C8orf33: variants seen among roughly 807,000 people sequenced by gnomAD.
C8orf33 encodes the protein UPF0488 protein C8orf33.
C8orf33 carries 28 observed loss-of-function variants against 25.7 expected under a neutral mutation model. The observed-to-expected ratio is 1.09, with a 90% CI of 0.81 to 1.49. The LOEUF (loss-of-function observed/expected upper bound fraction) is 1.49. Ranked by LOEUF, C8orf33 falls within the 40% of genes most tolerant of loss-of-function variation. C8orf33 has a pLI of 0.00. For synonymous variants in C8orf33, 153 were observed against 115.9 expected (o/e 1.32, Z -2.06); for missense variants, 369 against 294.4 (o/e 1.25, Z -1.85).
chr8:145,052,738 T>A lies in C8orf33; in HGVS notation c.159T>A (p.Ala53=), dbSNP rs750122302. 6.2e-7 allele frequency: 1 copy of A among 1,614,068 alleles called. No homozygotes were observed. The highest frequency in any genetic ancestry group is 8.5e-7 in the Non-Finnish European group (1 of 1,179,996). Reference sequence around the variant, plus strand: ...CAGAGCAACCTACGTGCAGTAACGCTGACTCCAGAGCGCACCCGTTGGGCG... The same window carrying A: ...CAGAGCAACCTACGTGCAGTAACGCAGACTCCAGAGCGCACCCGTTGGGCG... The part of the protein sequence containing the change: ...LCPEQPTCSN[A]DSRAHPLGDE... Residue 53 remains alanine (A), a synonymous_variant, in exon 2 of 5, where the codon GCT becomes GCA. Transcript: ENST00000331434.
rs748190702 is a variant in C8orf33 at position 145,052,683 on chromosome 8, C to A, written c.104C>A (p.Ala35Asp). 3.7e-6 allele frequency: 6 copies of A among 1,613,940 alleles called. No homozygotes were observed. The East Asian group carries it at 1.3e-4, about 36-fold the overall frequency. The part of the protein sequence containing the change: ...GARLPGPVSS[A>D]RNPSTVCLCP... ...CGGCTTCCCGGCCCAGTTTCCAGCG[C>A]CCGGAATCCTTCCACTGTCTGTCTC... Residue 35 changes from alanine to aspartate, a missense_variant, in exon 2 of 5, where the codon GCC becomes GAC. Transcript: ENST00000331434.
At chr8:145,053,226 G>A in intron 3 of C8orf33, 71 bp from the exon 4 acceptor site, 1 of 1,613,158 alleles carries the variant, frequency 6.2e-7, no homozygotes. Flanking sequence ...GTATGGAGTT[G>A]TTGGCTTTGC....
rs1563954454 is a variant in C8orf33, at chr8:145,053,121, GA to G, written c.379del (p.Arg127GlyfsTer32). On this transcript the variant is annotated frameshift_variant, in exon 3 of 5. Coordinates refer to ENST00000331434, the MANE Select transcript of C8orf33 (RefSeq NM_023080.3). LOFTEE classifies it high-confidence loss of function. Reference sequence around the variant, plus strand: ...TGGAGCAACTGGAGCTGGGCCTCAAGAGGCAGAAACCCACCCCGAAACAGAG... The same window carrying G: ...TGGAGCAACTGGAGCTGGGCCTCAAGGGCAGAAACCCACCCCGAAACAGAG... ...CVEQLELGLK[R>X]QKPTPKQKEQ... The G allele has an allele frequency of 2.5e-6, 4 of 1,614,194 alleles. No individual in the cohort carries two copies. Among genetic ancestry groups the G allele is most frequent in the East Asian group, 2.2e-5 (1 of 44,890 alleles).
chr8:145,053,185 T>C, intron 3 of C8orf33, 39 bp downstream of exon 3: 1 of 1,613,498 alleles, frequency 6.2e-7, no homozygotes, highest in Non-Finnish European at 8.5e-7. Context: ...ATGTGAACAG[T>C]GGCACTGCCT....
At chr8:145,053,638 G>T in intron 4 of C8orf33, 195 bp downstream of exon 4, 1 of 624,578 alleles carries the variant, frequency 1.6e-6, no homozygotes, top group Non-Finnish European at 2.8e-6. Flanking sequence ...GGAAGCAGCG[G>T]GGAGGCCCTG....
rs1835350207 is a variant in C8orf33, at chr8:145,055,592, C to T, written c.*1435C>T. 1 of 156,902 alleles carries T rather than the reference C, an allele frequency of 6.4e-6. No individual in the cohort carries two copies. The highest frequency in any genetic ancestry group is 1.4e-5 in the Non-Finnish European group (1 of 71,420). 9.7% of individuals were successfully genotyped at this position (156,902 alleles called of 1,614,324 possible). On this transcript the variant is annotated 3_prime_UTR_variant, in exon 5 of 5. Transcript: ENST00000331434. ...CGGGGGAGTTTAGAGAAGACTACTCCTCCACCTCTTGTGGAGGGCCTGACA... is the reference window on the plus strand; with the variant it reads ...CGGGGGAGTTTAGAGAAGACTACTCTTCCACCTCTTGTGGAGGGCCTGACA...
In C8orf33 at chr8:145,054,093, C is replaced by T; in HGVS notation, c.626C>T (p.Ser209Phe). The change falls in exon 5 of 5, where the codon TCT becomes TTT. Residue 209 changes from serine to phenylalanine, a missense_variant. Ser to Phe is a radical substitution (Grantham distance 155, BLOSUM62 -2). Transcript: ENST00000331434. ...AGCCAAAGGGTCTGCAGGCCTCGCT[C>T]TATATGGAGAGCCAAAGCCACTCTG... ...KKSQRVCRPR[S>F]IWRAKATLDM... is the part of the protein sequence containing the mutation. The T allele has an allele frequency of 6.2e-7, 1 of 1,614,160 alleles. No homozygotes were observed.
rs769870310 is a variant in C8orf33 at position 145,054,094 on chromosome 8, T to TA, written c.628dup (p.Ile210AsnfsTer12). 2 of 1,614,200 alleles carry TA rather than the reference T, an allele frequency of 1.2e-6. No homozygotes were observed. Among genetic ancestry groups the TA allele is most frequent in the Non-Finnish European group, 1.7e-6 (2 of 1,180,028 alleles). On this transcript the variant is annotated frameshift_variant, in exon 5 of 5. Coordinates refer to ENST00000331434, the MANE Select transcript of C8orf33 (RefSeq NM_023080.3). LOFTEE classifies it high-confidence loss of function. ...GCCAAAGGGTCTGCAGGCCTCGCTCTATATGGAGAGCCAAAGCCACTCTGG... is the reference window on the plus strand; with the variant it reads ...GCCAAAGGGTCTGCAGGCCTCGCTCTAATATGGAGAGCCAAAGCCACTCTGG...
chr8:145,052,982 G>A (rs1835300556), intron 2 of C8orf33, 80 bp from the exon 3 acceptor site: 3 of 1,606,184 alleles, frequency 1.9e-6, no homozygotes, highest in African/African-American at 1.3e-5. Context: ...CGGAGTTAAG[G>A]CGGGGAGGGG....
rs200070447 is a variant in C8orf33, at chr8:145,053,087, C to T, written c.344C>T (p.Ala115Val). The T allele has an allele frequency of 3.4e-4, 541 of 1,614,172 alleles. 5 individuals are homozygous for T. In the East Asian group the frequency reaches 8.8e-3, roughly 26 times the overall value. Residue 115 changes from alanine to valine, a missense_variant, in exon 3 of 5, where the codon GCT becomes GTT. By Grantham distance (64) the Ala-to-Val change is moderately conservative. Coordinates refer to ENST00000331434, the MANE Select transcript of C8orf33 (RefSeq NM_023080.3). The part of the protein sequence containing the change: ...AQAQQLAQEL[A>V]WCVEQLELGL... The stretch of plus-strand genomic sequence containing the variant: ...GCACAACAGTTGGCCCAGGAATTGG[C>T]TTGGTGTGTGGAGCAACTGGAGCTG...
At position 145,055,282 on chromosome 8, in the gene C8orf33, T is replaced by C. The variant is rs1166115238; in HGVS notation, c.*1125T>C. 6.6e-6 allele frequency: 1 copy of C among 152,128 alleles called. No homozygotes were observed. Among genetic ancestry groups the C allele is most frequent in the African/African-American group, 2.4e-5 (1 of 41,396 alleles). The allele number at this position is 152,128 out of a possible 1,614,324, so 9.4% of individuals were successfully genotyped here. ...TTAATCATTAGTTTATAGCAATTAC[T>C]CTTTATTCCAATATTATAATAATCC... On this transcript the variant is annotated 3_prime_UTR_variant, in exon 5 of 5. Coordinates refer to ENST00000331434, the MANE Select transcript of C8orf33 (RefSeq NM_023080.3).
intron 4 of C8orf33, 193 bp downstream of exon 4, chr8:145,053,636 C>T (rs1835313359): frequency 2.2e-5 from 14 of 635,508 alleles, no homozygotes; most frequent in South Asian, 1.6e-4. Flanking sequence ...TGGGAAGCAG[C>T]GGGGAGGCCC....
chr8:145,052,669 C>A lies in C8orf33; in HGVS notation c.90C>A (p.Gly30=). The A allele has an allele frequency of 6.2e-7, 1 of 1,613,648 alleles. No homozygotes were observed. Among genetic ancestry groups the A allele is most frequent in the Non-Finnish European group, 8.5e-7 (1 of 1,180,026 alleles). The change falls in exon 2 of 5, where the codon GGC becomes GGA. Residue 30 remains glycine (G), a synonymous_variant. Transcript: ENST00000331434. ...PCASRGARLP[G]PVSSARNPST... is the part of the protein sequence containing the mutation. ...CGTCCCGCGGAGCCCGGCTTCCCGG[C>A]CCAGTTTCCAGCGCCCGGAATCCTT...
rs2129697062 is a variant in C8orf33, at chr8:145,054,016, A to G, written c.551-2A>G. Reference sequence around the variant, plus strand: ...GACATACGCTGCTTCTCTCCCCGACAGCTGCTTATTCAGCCCAGGTGCAAC... The same window carrying G: ...GACATACGCTGCTTCTCTCCCCGACGGCTGCTTATTCAGCCCAGGTGCAAC... On this transcript the variant is annotated splice_acceptor_variant, in intron 4 of 4. Coordinates refer to ENST00000331434, the MANE Select transcript of C8orf33 (RefSeq NM_023080.3). LOFTEE classifies it high-confidence loss of function. The G allele has an allele frequency of 1.2e-6, 2 of 1,613,790 alleles. No individual in the cohort carries two copies. The highest frequency in any genetic ancestry group is 1.7e-4 in the Middle Eastern group (1 of 6,058).
Position 145,052,735 on chromosome 8 carries a change from C to T in C8orf33, c.156C>T (p.Asn52=), listed in dbSNP as rs986521787. Reference sequence around the variant, plus strand: ...GCCCAGAGCAACCTACGTGCAGTAACGCTGACTCCAGAGCGCACCCGTTGG... The same window carrying T: ...GCCCAGAGCAACCTACGTGCAGTAATGCTGACTCCAGAGCGCACCCGTTGG... ...CLCPEQPTCS[N]ADSRAHPLGD... Residue 52 remains asparagine (N), a synonymous_variant, in exon 2 of 5, where the codon AAC becomes AAT. Coordinates refer to ENST00000331434, the MANE Select transcript of C8orf33 (RefSeq NM_023080.3). 1 of 1,614,172 alleles carries T rather than the reference C, an allele frequency of 6.2e-7. No homozygotes were observed. The highest frequency in any genetic ancestry group is 2.2e-5 in the East Asian group (1 of 44,882).
In C8orf33 at chr8:145,054,357, TTC is replaced by T; in HGVS notation, c.*206_*207del. Reference sequence around the variant, plus strand: ...ACCCCGTTCGTTTTCTGATGAAATGTTCTCTCTTTCAGAAGAGAGAGAGAGGT... The same window carrying T: ...ACCCCGTTCGTTTTCTGATGAAATGTTCTCTTTCAGAAGAGAGAGAGAGGT... On this transcript the variant is annotated 3_prime_UTR_variant, in exon 5 of 5. Coordinates refer to ENST00000331434, the MANE Select transcript of C8orf33 (RefSeq NM_023080.3). 1 of 518,480 alleles carries T rather than the reference TTC, an allele frequency of 1.9e-6. No homozygotes were observed. The allele number at this position is 518,480 out of a possible 1,614,324, so 32.1% of individuals were successfully genotyped here.
chr8:145,053,236 C>T (rs560161101), intron 3 of C8orf33, 61 bp from the exon 4 acceptor site: 154 of 1,611,968 alleles, frequency 9.6e-5, no homozygotes, highest in Non-Finnish European at 1.2e-4. Flanking sequence ...GTTGGCTTTG[C>T]GGCGGGGTGG....
At position 145,052,614 on chromosome 8, in the gene C8orf33, C is replaced by T. The variant is rs139779460; in HGVS notation, c.35C>T (p.Ala12Val). ...CTGGGACATCTTGCTGGGGAGGCAG[C>T]GGCGGCCCCAGGCCCGGGTACTCCC... ...AALGHLAGEA[A>V]AAPGPGTPCA... The change falls in exon 2 of 5, where the codon GCG (alanine) becomes GTG (valine). Residue 12 changes from alanine (A) to valine (V), a missense_variant. Ala to Val is a moderately conservative substitution (Grantham distance 64). Coordinates refer to ENST00000331434, the MANE Select transcript of C8orf33 (RefSeq NM_023080.3). 7,970 of 1,608,862 alleles carry T rather than the reference C, an allele frequency of 5.0e-3. 35 individuals are homozygous for T. Among genetic ancestry groups the T allele is most frequent in the Non-Finnish European group, 6.2e-3 (7,273 of 1,179,666 alleles).
At position 145,052,736 on chromosome 8, in the gene C8orf33, G is replaced by A. The variant is rs1367519479; in HGVS notation, c.157G>A (p.Ala53Thr). 1.9e-6 allele frequency: 3 copies of A among 1,614,170 alleles called. No individual in the cohort carries two copies. Among genetic ancestry groups the A allele is most frequent in the Non-Finnish European group, 2.5e-6 (3 of 1,180,030 alleles). ...LCPEQPTCSN[A>T]DSRAHPLGDE... ...CCCAGAGCAACCTACGTGCAGTAAC[G>A]CTGACTCCAGAGCGCACCCGTTGGG... The change falls in exon 2 of 5, where the codon GCT (alanine) becomes ACT (threonine). Residue 53 changes from alanine (A) to threonine (T), a missense_variant. Transcript: ENST00000331434.
Sources: allele counts gnomAD v4.1 joint callset, GRCh38; gene constraint gnomAD v4.1.1; transcripts MANE v1.5; gene names NCBI Gene and HGNC (gene_info 2026-07-23, HGNC 2026-07-21).